CNTNAP3B: variants seen among roughly 807,000 people sequenced by gnomAD.
CNTNAP3B encodes contactin associated protein family member 3B.
CNTNAP3B carries 25 observed loss-of-function variants against 108.9 expected under a neutral mutation model. The observed-to-expected ratio is 0.23, with a 90% confidence interval of 0.17 to 0.32. CNTNAP3B has a LOEUF of 0.32. Among genes scored for constraint, CNTNAP3B ranks in the 10% least tolerant of loss-of-function variants. The pLI, the probability that CNTNAP3B is intolerant of heterozygous loss-of-function variation, is 1.00. For missense variants in CNTNAP3B, 252 were observed against 1,210.4 expected (o/e 0.21, Z 11.75); for synonymous variants, 103 against 473.4 (o/e 0.22, Z 10.16).
chr9:42,058,715 T>C (rs1162987882), intron 3 of CNTNAP3B, among the ~76,000 whole-genome samples: 6 of 119,108 alleles, frequency 5.0e-5, no homozygotes, highest in African/African-American at 7.1e-5. Flanking sequence ...GAAAATTAGT[T>C]TGAAATAACC....
intron 2 of CNTNAP3B, among the ~76,000 whole-genome samples, chr9:42,086,420 T>C (rs1385917476): frequency 8.6e-5 from 12 of 139,946 alleles, no homozygotes; most frequent in East Asian, 4.3e-4. Flanking sequence ...TTTTTTACAT[T>C]TTTGCATTTA....
At position 41,934,112 on chromosome 9, in the gene CNTNAP3B, T is replaced by TAC. The variant is rs1554739001; in HGVS notation, c.2237+4131_2237+4132insGT. Among the ~76,000 whole-genome samples, 49 of 126,348 alleles carry TAC rather than the reference T, an allele frequency of 3.9e-4. 1 individual carries two copies. Among genetic ancestry groups the TAC allele is most frequent in the African/African-American group, 1.4e-3 (48 of 33,126 alleles). The allele number at this position is 126,348 out of a possible 152,430, so 82.9% of individuals were successfully genotyped here. A position where few individuals can be genotyped will look rare whatever the true frequency, so the allele number is the denominator to read the frequency against. On this transcript the variant is annotated intron_variant, in intron 14 of 23. Coordinates refer to ENST00000377561, the MANE Select transcript of CNTNAP3B (RefSeq NM_001201380.3). ...TGCATATTTGTTACATATATATATA[T>TAC]ATATATATATACACACACATATATA...
chr9:41,934,200 CAT>C (rs1824081299), intron 14 of CNTNAP3B, among the ~76,000 whole-genome samples: 1 of 103,060 alleles, frequency 9.7e-6, no homozygotes, highest in Admixed American at 9.3e-5. Context: ...TATATATATA[CAT>C]ACACACACAC....
chr9:41,950,739 G>A (rs1824650208), intron 13 of CNTNAP3B, among the ~76,000 whole-genome samples: 1 of 144,782 alleles, frequency 6.9e-6, no homozygotes, highest in South Asian at 2.2e-4. Flanking sequence ...AGAGCAATAG[G>A]AGGAATTCTT....
At chr9:41,939,107 A>G (rs2118068534) in intron 13 of CNTNAP3B, among the ~76,000 whole-genome samples, 1 of 152,420 alleles carries the variant, frequency 6.6e-6, no homozygotes, top group Non-Finnish European at 1.5e-5. Flanking sequence ...ATAGAACTGC[A>G]TATTAGGACA....
chr9:41,963,121 C>G (rs1218379823), intron 11 of CNTNAP3B, among the ~76,000 whole-genome samples: 2 of 152,288 alleles, frequency 1.3e-5, no homozygotes, highest in Non-Finnish European at 2.9e-5. Context: ...ACTGGGAGCG[C>G]AGAATTCTCA....
rs1311045815 is a variant in CNTNAP3B, at chr9:42,118,185, C to A, written c.85+10825G>T. 1.4e-5 allele frequency among the ~76,000 whole-genome samples: 2 copies of A among 139,550 alleles called. 1 individual carries two copies. The highest frequency in any genetic ancestry group is 4.3e-4 in the East Asian group (2 of 4,626). The allele number at this position is 139,550 out of a possible 152,430, so 91.6% of individuals were successfully genotyped here. A position where few individuals can be genotyped will look rare whatever the true frequency, so the allele number is the denominator to read the frequency against. On this transcript the variant is annotated intron_variant, in intron 1 of 23. Transcript: ENST00000377561. ...TTCCTAACTCATTTTATGAGGCCAG[C>A]ATCATCCTGATACCAAAGCCTGGCA...
At chr9:42,027,625 TA>T (rs1394030807) in intron 3 of CNTNAP3B, among the ~76,000 whole-genome samples, 6 of 82,538 alleles carry the variant, frequency 7.3e-5, no homozygotes, top group African/African-American at 3.2e-4. Flanking sequence ...ACAGAGCTTC[TA>T]TTTGCTGAAA....
chr9:41,936,892 A>G (rs1318805481), intron 14 of CNTNAP3B, among the ~76,000 whole-genome samples: 2 of 152,424 alleles, frequency 1.3e-5, no homozygotes, highest in Admixed American at 6.5e-5. Flanking sequence ...TATAGTATGT[A>G]TTCTATAGAA....
intron 2 of CNTNAP3B, among the ~76,000 whole-genome samples, chr9:42,086,322 A>C (rs1383510084): frequency 7.2e-6 from 1 of 138,116 alleles, no homozygotes; most frequent in East Asian, 2.2e-4. Flanking sequence ...ATTCAAGATG[A>C]GATCTGAGTG....
chr9:41,922,174 A>G, intron 17 of CNTNAP3B, among the ~76,000 whole-genome samples: 1 of 133,432 alleles, frequency 7.5e-6, no homozygotes, highest in Non-Finnish European at 1.6e-5. Flanking sequence ...ATACCTAAAC[A>G]CTGAGATACT....
intron 2 of CNTNAP3B, among the ~76,000 whole-genome samples, chr9:42,096,410 C>T (rs1827901698): frequency 7.1e-6 from 1 of 139,946 alleles, no homozygotes; most frequent in Non-Finnish European, 1.5e-5. Context: ...ACTTTTTCTA[C>T]CTCAGACCAA....
chr9:42,035,520 C>T (rs1325324057), intron 3 of CNTNAP3B, among the ~76,000 whole-genome samples: 1 of 146,904 alleles, frequency 6.8e-6, no homozygotes, highest in African/African-American at 2.6e-5. Flanking sequence ...GGACTTTGGA[C>T]AAAAATCCTT....
At chr9:42,112,994 A>C (rs1158450884) in intron 1 of CNTNAP3B, among the ~76,000 whole-genome samples, 1 of 130,676 alleles carries the variant, frequency 7.7e-6, no homozygotes, top group African/African-American at 3.1e-5. Context: ...TGATCTCGTG[A>C]TCCACCTGCC....
chr9:42,109,425 G>T (rs1428020409), intron 1 of CNTNAP3B, among the ~76,000 whole-genome samples: 1 of 144,146 alleles, frequency 6.9e-6, no homozygotes, highest in Non-Finnish European at 1.5e-5. Context: ...ATTATTCTGG[G>T]ATCTGATAAT....
Position 41,990,729 on chromosome 9 carries a change from C to T in CNTNAP3B, c.1333+881G>A, listed in dbSNP as rs192105182. Among the ~76,000 whole-genome samples the T allele has an allele frequency of 1.7e-3, 232 of 132,798 alleles. 1 individual carries two copies. The highest frequency in any genetic ancestry group is 6.9e-3 in the African/African-American group (221 of 32,082). The allele number at this position is 132,798 out of a possible 152,430, so 87.1% of individuals were successfully genotyped here. ...ATTTAGGCACAATGTCAATTTAGGA[C>T]CCAGTGCTCCTCCCATCTGCAAATC... On this transcript the variant is annotated intron_variant, in intron 8 of 23. Transcript: ENST00000377561.
chr9:42,021,903 C>T (rs1264866549), intron 3 of CNTNAP3B, among the ~76,000 whole-genome samples: 1 of 133,196 alleles, frequency 7.5e-6, no homozygotes, highest in Admixed American at 7.6e-5. Flanking sequence ...ATGGGGAGAC[C>T]TGATCTAGTT....
intron 3 of CNTNAP3B, among the ~76,000 whole-genome samples, chr9:42,070,691 G>T (rs1265262817): frequency 6.6e-6 from 1 of 152,176 alleles, no homozygotes; most frequent in Non-Finnish European, 1.5e-5. Context: ...TACCGAGTCA[G>T]TCCAGACAGC....
intron 10 of CNTNAP3B, among the ~76,000 whole-genome samples, chr9:41,966,223 A>G (rs76179864): frequency 6.6e-6 from 1 of 152,294 alleles, no homozygotes; most frequent in Non-Finnish European, 1.5e-5. Context: ...ATAATGGAGC[A>G]TCTTAAGATC....
Sources: allele counts gnomAD v4.1 joint callset (sites outside exome capture counted in the v4.1 genomes callset), GRCh38; gene constraint gnomAD v4.1.1; transcripts MANE v1.5; gene names NCBI Gene and HGNC (gene_info 2026-07-23, HGNC 2026-07-21).